The following EGFR variants were observed in gnomAD, a reference collection of about 807,000 sequenced individuals.
EGFR encodes the protein epidermal growth factor receptor.
Under a neutral mutation model 143.0 loss-of-function variants are expected in EGFR, and 58 were observed. The ratio of observed to expected loss-of-function variants is 0.41; its 90% confidence interval spans 0.33 to 0.50. The LOEUF (loss-of-function observed/expected upper bound fraction) is 0.50, where lower values mean the gene tolerates loss of function less well. Among genes scored for constraint, EGFR ranks in the 20% least tolerant of loss-of-function variants. The pLI is 0.39. For missense variants in EGFR, 1,307 were observed against 1,579.0 expected, an observed-to-expected ratio of 0.83 and a Z score of 2.92; for synonymous variants, 613 against 594.4, an observed-to-expected ratio of 1.03 and a Z score of -0.45.
Position 55,155,821 on chromosome 7 carries a change from C to T in EGFR, c.890-9C>T, listed in dbSNP as rs529223915. 4 of 1,612,948 alleles carry T rather than the reference C, an allele frequency of 2.5e-6. No homozygotes were observed. The highest frequency in any genetic ancestry group is 2.5e-6 in the Non-Finnish European group (3 of 1,178,930). On this transcript the variant is annotated splice_polypyrimidine_tract_variant and intron_variant, in intron 7 of 27. Transcript: ENST00000275493. ...CGTCATCACCTTCCTTTCATGCTCT[C>T]TTCCCCAGGTAATTATGTGGTGACA...
In EGFR at chr7:55,165,312, C is replaced by T. The variant is rs2128946156; in HGVS notation, c.1755C>T (p.Tyr585=). ...ACAACTGTATCCAGTGTGCCCACTA[C>T]ATTGACGGCCCCCACTGCGTCAAGA... The part of the protein sequence containing the change: ...GPDNCIQCAH[Y]IDGPHCVKTC... Residue 585 remains tyrosine, a synonymous_variant, in exon 15 of 28, where the codon TAC becomes TAT. Coordinates refer to ENST00000275493, the MANE Select transcript of EGFR (RefSeq NM_005228.5). 6.2e-7 allele frequency: 1 copy of T among 1,614,208 alleles called. No homozygotes were observed. Among genetic ancestry groups the T allele is most frequent in the Non-Finnish European group, 8.5e-7 (1 of 1,180,044 alleles).
intron 1 of EGFR, among the ~76,000 whole-genome samples, chr7:55,099,791 G>A (rs116676665): frequency 8.0e-4 from 122 of 151,642 alleles, no homozygotes; most frequent in African/African-American, 2.8e-3. Context: ...CACTTCCAGT[G>A]TCTTTTGCCA....
Position 55,136,901 on chromosome 7 carries a change from G to A in EGFR, c.89-5385G>A, listed in dbSNP as rs143179156. Reference sequence around the variant, plus strand: ...ATCATGTCTACAAAATGCCATTTTCGACTGCTATTTTCAATTTAGGGTGGG... The same window carrying A: ...ATCATGTCTACAAAATGCCATTTTCAACTGCTATTTTCAATTTAGGGTGGG... On this transcript the variant is annotated intron_variant, in intron 1 of 27. Transcript: ENST00000275493. 1.6e-3 allele frequency among the ~76,000 whole-genome samples: 236 copies of A among 152,186 alleles called. 4 individuals are homozygous for A. Among genetic ancestry groups the A allele is most frequent in the African/African-American group, 5.5e-3 (228 of 41,508 alleles).
chr7:55,204,421 T>G (rs912358479), intron 27 of EGFR, among the ~76,000 whole-genome samples: 3 of 137,462 alleles, frequency 2.2e-5, no homozygotes, highest in Non-Finnish European at 3.1e-5. Flanking sequence ...CCACACACCA[T>G]ATGTACACAT....
chr7:55,124,131 GA>G (rs973213971), intron 1 of EGFR, among the ~76,000 whole-genome samples: 6 of 152,144 alleles, frequency 3.9e-5, no homozygotes, highest in Non-Finnish European at 8.8e-5. Flanking sequence ...TAAATTATAG[GA>G]AAAACTTTTC....
chr7:55,060,773 G>A (rs145172489), intron 1 of EGFR, among the ~76,000 whole-genome samples: 68 of 152,326 alleles, frequency 4.5e-4, no homozygotes, highest in African/African-American at 1.6e-3. Context: ...GGTATGAGTA[G>A]GTTTTGGGGC....
chr7:55,042,984 C>G (rs968384219), intron 1 of EGFR, among the ~76,000 whole-genome samples: 1 of 152,098 alleles, frequency 6.6e-6, no homozygotes, highest in African/African-American at 2.4e-5. Flanking sequence ...AGTTATAAAG[C>G]ACAGCCCTCT....
At position 55,058,166 on chromosome 7, in the gene EGFR, C is replaced by T. The variant is rs1041714052; in HGVS notation, c.88+38801C>T. On this transcript the variant is annotated intron_variant, in intron 1 of 27. Transcript: ENST00000275493. ...ATCCCAGCATTTTGGGAGGCCGAGGCGGGTGGATCACGAGGTCAGGAGTTC... is the reference window on the plus strand; with the variant it reads ...ATCCCAGCATTTTGGGAGGCCGAGGTGGGTGGATCACGAGGTCAGGAGTTC... Among the ~76,000 whole-genome samples, 14 of 152,118 alleles carry T rather than the reference C, an allele frequency of 9.2e-5. No homozygotes were observed. The East Asian group carries it at 1.9e-3, about 21-fold the overall frequency.
chr7:55,049,988 G>T (rs1004240604), intron 1 of EGFR, among the ~76,000 whole-genome samples: 1 of 152,166 alleles, frequency 6.6e-6, no homozygotes, highest in Non-Finnish European at 1.5e-5. Context: ...CCTGCAGGTA[G>T]ATAGTCAAGG....
chr7:55,131,220 C>T (rs972245030), intron 1 of EGFR, among the ~76,000 whole-genome samples: 2 of 152,048 alleles, frequency 1.3e-5, no homozygotes, highest in Non-Finnish European at 2.9e-5. Context: ...CTGACATGTG[C>T]CAGTAACAGT....
intron 27 of EGFR, chr7:55,202,991 T>C: frequency 1.9e-6 from 1 of 521,416 alleles, no homozygotes; most frequent in Admixed American, 3.5e-5. Flanking sequence ...CCCTGTTCTC[T>C]CTGCTGGCTC....
chr7:55,030,718 A>G (rs1184223762), intron 1 of EGFR, among the ~76,000 whole-genome samples: 1 of 152,226 alleles, frequency 6.6e-6, no homozygotes, highest in Non-Finnish European at 1.5e-5. Flanking sequence ...AGGGTGTGAA[A>G]CAGCTTTTAC....
intron 1 of EGFR, among the ~76,000 whole-genome samples, chr7:55,087,531 T>C (rs1790843229): frequency 6.6e-6 from 1 of 152,178 alleles, no homozygotes; most frequent in South Asian, 2.1e-4. Flanking sequence ...GTGTGTAAAA[T>C]GTTTAAAAGG....
chr7:55,044,024 A>G (rs780810439), intron 1 of EGFR: 1 of 152,152 alleles, frequency 6.6e-6, no homozygotes. Context: ...CCACCCAGAC[A>G]CTTGCTCAGA....
intron 1 of EGFR, among the ~76,000 whole-genome samples, chr7:55,039,657 G>A (rs1300072999): frequency 6.6e-6 from 1 of 152,174 alleles, no homozygotes; most frequent in Admixed American, 6.5e-5. Flanking sequence ...TATAAAGGGA[G>A]TGAGAAGAGA....
chr7:55,156,464 C>G (rs2128937980), intron 8 of EGFR, 69 bp from the exon 9 acceptor site: 1 of 1,605,824 alleles, frequency 6.2e-7, no homozygotes, highest in South Asian at 1.1e-5. Context: ...CTTCCCTCTG[C>G]CTGTGGATCC....
chr7:55,127,639 A>G (rs1793607435), intron 1 of EGFR, among the ~76,000 whole-genome samples: 1 of 152,208 alleles, frequency 6.6e-6, no homozygotes, highest in East Asian at 1.9e-4. Flanking sequence ...AGGCACTCAT[A>G]TAGCCATTAG....
chr7:55,165,339 C>A lies in EGFR; in HGVS notation c.1782C>A (p.Thr594=), dbSNP rs1584201022. 1 of 1,614,192 alleles carries A rather than the reference C, an allele frequency of 6.2e-7. No homozygotes were observed. The highest frequency in any genetic ancestry group is 8.5e-7 in the Non-Finnish European group (1 of 1,180,030). The change falls in exon 15 of 28, where the codon ACC becomes ACA. Residue 594 remains threonine, a synonymous_variant. Coordinates refer to ENST00000275493, the MANE Select transcript of EGFR (RefSeq NM_005228.5). ...TTGACGGCCCCCACTGCGTCAAGAC[C>A]TGCCCGGCAGGAGTCATGGGAGAAA... ...HYIDGPHCVK[T]CPAGVMGENN...
chr7:55,145,797 C>T (rs924744810), intron 3 of EGFR, among the ~76,000 whole-genome samples: 9 of 152,214 alleles, frequency 5.9e-5, no homozygotes, highest in Non-Finnish European at 1.2e-4. Context: ...GTCAGGGTCT[C>T]CCTGGGCATG....
Sources: gnomAD v4.1 joint callset for allele counts (sites outside exome capture counted in the v4.1 genomes callset) on GRCh38, gnomAD v4.1.1 for gene constraint, MANE v1.5 for transcripts, NCBI Gene and HGNC (gene_info 2026-07-23, HGNC 2026-07-21) for gene names.